Variants in RAB31 observed in about 807,000 individuals in gnomAD.
RAB31 encodes ras-related protein Rab-31.
In RAB31, 21 loss-of-function variants were observed where a neutral mutation model predicts 25.6. The ratio of observed to expected loss-of-function variants is 0.82; its 90% CI spans 0.58 to 1.18. The LOEUF is 1.18. RAB31 is among the 50% of genes most tolerant of loss of function. The probability of loss-of-function intolerance (pLI) is 0.00; values close to 1 mark genes in which losing one functional copy is unlikely to be tolerated. For synonymous variants in RAB31, 87 were observed against 84.0 expected (o/e 1.04, Z -0.20); for missense variants, 196 against 250.1 (o/e 0.78, Z 1.46).
chr18:9,710,433 T>C (rs142762122), intron 1 of RAB31, among the ~76,000 whole-genome samples: 311 of 152,340 alleles, frequency 2.0e-3, no homozygotes, highest in Non-Finnish European at 3.7e-3. Flanking sequence ...TACACACTCT[T>C]TGAGTGGCTT....
chr18:9,732,973 G>A (rs1302194639), intron 1 of RAB31, among the ~76,000 whole-genome samples: 2 of 152,220 alleles, frequency 1.3e-5, no homozygotes, highest in Non-Finnish European at 2.9e-5. Context: ...GGTAGGTTAA[G>A]GGAAGCAATG....
At chr18:9,747,608 A>G (rs8099079) in intron 1 of RAB31, among the ~76,000 whole-genome samples, 140,075 of 152,268 alleles carry the variant, frequency 0.92, 64,596 homozygotes, top group Admixed American at 0.94. Context: ...AACCAGACAC[A>G]AAAGGTCACA....
Position 9,739,630 on chromosome 18 carries a change from A to G in RAB31, c.39+31186A>G, listed in dbSNP as rs150253004. 3.7e-4 allele frequency among the ~76,000 whole-genome samples: 56 copies of G among 152,198 alleles called. No individual in the cohort carries two copies. In the East Asian group the frequency reaches 0.01, roughly 27 times the overall value. On this transcript the variant is annotated intron_variant, in intron 1 of 6. Transcript: ENST00000578921. ...ACAGGTTTTTAAGTTTCTTAGATACACTGTATTGATGAGGATACAGACTAA... is the reference window on the plus strand; with the variant it reads ...ACAGGTTTTTAAGTTTCTTAGATACGCTGTATTGATGAGGATACAGACTAA...
chr18:9,804,575 T>C (rs1370383675), intron 3 of RAB31, among the ~76,000 whole-genome samples: 1 of 152,254 alleles, frequency 6.6e-6, no homozygotes, highest in Admixed American at 6.5e-5. Context: ...TCCTCTTCTT[T>C]TCTTTTATGG....
rs654941 is a variant in RAB31 at position 9,857,250 on chromosome 18, G to T, written c.491-1978G>T. Among the ~76,000 whole-genome samples the T allele has an allele frequency of 2.3e-5, 3 of 131,978 alleles. No individual in the cohort carries two copies. In the East Asian group the frequency reaches 7.0e-4, roughly 31 times the overall value. 86.6% of individuals were successfully genotyped at this position (131,978 alleles called of 152,430 possible). Reference sequence around the variant, plus strand: ...CCTTCATCTTTATGCTGAAGCTTTGGTGACTGTCTATACCATCTGATCTAC... The same window carrying T: ...CCTTCATCTTTATGCTGAAGCTTTGTTGACTGTCTATACCATCTGATCTAC... On this transcript the variant is annotated intron_variant, in intron 6 of 6. Coordinates refer to ENST00000578921, the MANE Select transcript of RAB31 (RefSeq NM_006868.4).
At chr18:9,834,468 A>G (rs2068694557) in intron 5 of RAB31, among the ~76,000 whole-genome samples, 1 of 152,160 alleles carries the variant, frequency 6.6e-6, no homozygotes, top group South Asian at 2.1e-4. Flanking sequence ...TGGTAGGCTC[A>G]AAAACACCTT....
intron 1 of RAB31, among the ~76,000 whole-genome samples, chr18:9,731,969 G>A (rs1280907301): frequency 6.6e-6 from 1 of 152,140 alleles, no homozygotes; most frequent in African/African-American, 2.4e-5. Context: ...AAATTTTAAT[G>A]TGCACACATT....
At chr18:9,796,870 A>G (rs934638226) in intron 3 of RAB31, among the ~76,000 whole-genome samples, 1 of 152,148 alleles carries the variant, frequency 6.6e-6, no homozygotes, top group African/African-American at 2.4e-5. Context: ...TTTAGAATAC[A>G]TGCTTTAAAA....
At chr18:9,793,350 T>C (rs1393990023) in intron 3 of RAB31, among the ~76,000 whole-genome samples, 1 of 152,066 alleles carries the variant, frequency 6.6e-6, no homozygotes, top group Non-Finnish European at 1.5e-5. Context: ...AGTGCTGGGA[T>C]TGCAGGTGTC....
In RAB31 at chr18:9,815,170, G is replaced by A. The variant is rs903701316; in HGVS notation, c.328G>A (p.Glu110Lys). The A allele has an allele frequency of 3.2e-6, 5 of 1,557,650 alleles. No homozygotes were observed. The Admixed American group carries it at 7.7e-5, about 24-fold the overall frequency. Residue 110 changes from glutamate (E) to lysine (K), a missense_variant, in exon 5 of 7, where the codon GAA (glutamate) becomes AAA (lysine). By Grantham distance (56) the Glu-to-Lys change is moderately conservative. Coordinates refer to ENST00000578921, the MANE Select transcript of RAB31 (RefSeq NM_006868.4). ...WVKELKEHGP[E>K]NIVMAIAGNK... is the part of the protein sequence containing the mutation. ...CAAGGAGCTGAAAGAACATGGTCCA[G>A]AAAACATTGTAATGGCCATCGCTGG... is the stretch of plus-strand genomic sequence containing the variant.
At chr18:9,749,061 G>C (rs2068220748) in intron 1 of RAB31, among the ~76,000 whole-genome samples, 1 of 152,094 alleles carries the variant, frequency 6.6e-6, no homozygotes. Flanking sequence ...TTATGGTTAT[G>C]TGCATATGCT....
intron 3 of RAB31, among the ~76,000 whole-genome samples, chr18:9,803,386 C>T (rs575826247): frequency 9.9e-5 from 15 of 152,224 alleles, no homozygotes; most frequent in African/African-American, 3.4e-4. Context: ...TAGGCACCAG[C>T]CACTATGCCT....
At chr18:9,790,371 T>C (rs1430346031) in intron 2 of RAB31, among the ~76,000 whole-genome samples, 1 of 151,814 alleles carries the variant, frequency 6.6e-6, no homozygotes, top group African/African-American at 2.4e-5. Context: ...AACTACAGGC[T>C]GTGCCATAAT....
intron 1 of RAB31, among the ~76,000 whole-genome samples, chr18:9,750,302 G>T (rs2145478031): frequency 6.6e-6 from 1 of 152,294 alleles, no homozygotes. Flanking sequence ...TTATCCTTAG[G>T]TCAGCAAAAC....
chr18:9,752,229 A>G lies in RAB31; in HGVS notation c.40-23049A>G, dbSNP rs545006697. On this transcript the variant is annotated intron_variant, in intron 1 of 6. Coordinates refer to ENST00000578921, the MANE Select transcript of RAB31 (RefSeq NM_006868.4). ...TGACACCAGCTTGGCTGTTTTATTTATTTATTTTTTTTTGAGATGGAGTCT... is the reference window on the plus strand; with the variant it reads ...TGACACCAGCTTGGCTGTTTTATTTGTTTATTTTTTTTTGAGATGGAGTCT... 1.2e-3 allele frequency among the ~76,000 whole-genome samples: 177 copies of G among 151,538 alleles called. 1 individual carries two copies. Among genetic ancestry groups the G allele is most frequent in the Non-Finnish European group, 1.4e-3 (92 of 67,876 alleles).
chr18:9,842,991 G>C (rs1247890471), intron 5 of RAB31, among the ~76,000 whole-genome samples: 1 of 152,200 alleles, frequency 6.6e-6, no homozygotes, highest in Non-Finnish European at 1.5e-5. Context: ...GGAGATGTTG[G>C]GCTGTGGTAC....
At chr18:9,805,283 T>A (rs375892631) in intron 3 of RAB31, among the ~76,000 whole-genome samples, 5 of 146,816 alleles carry the variant, frequency 3.4e-5, no homozygotes, top group African/African-American at 7.5e-5. Flanking sequence ...ATAAAAAGAT[T>A]AAAAAAAAAA....
chr18:9,786,117 C>G (rs557934812), intron 2 of RAB31, among the ~76,000 whole-genome samples: 4 of 149,452 alleles, frequency 2.7e-5, no homozygotes, highest in East Asian at 3.9e-4. Context: ...TGTAATGAAG[C>G]CTCTGTCAAA....
chr18:9,836,911 G>A (rs532581114), intron 5 of RAB31, among the ~76,000 whole-genome samples: 1 of 151,584 alleles, frequency 6.6e-6, no homozygotes, highest in African/African-American at 2.4e-5. Flanking sequence ...GTGAGGAACC[G>A]AGTGAAACAC....
Sources: gnomAD v4.1 joint callset for allele counts (sites outside exome capture counted in the v4.1 genomes callset) on GRCh38, gnomAD v4.1.1 for gene constraint, MANE v1.5 for transcripts, NCBI Gene and HGNC (gene_info 2026-07-23, HGNC 2026-07-21) for gene names.